PCDHA1: variants seen among roughly 807,000 people sequenced by gnomAD.
PCDHA1 encodes protocadherin alpha 1.
Under a neutral mutation model 61.3 loss-of-function variants are expected in PCDHA1, and 42 were observed. That is an observed-to-expected ratio of 0.69 (90% CI 0.54 to 0.89). PCDHA1 has a LOEUF of 0.89. Among genes scored for constraint, PCDHA1 ranks in the 40% least tolerant of loss-of-function variants. PCDHA1 has a pLI of 0.00. For missense variants in PCDHA1, 1,256 were observed against 1,235.3 expected (o/e 1.02, Z -0.25); for synonymous variants, 610 against 553.8 (o/e 1.10, Z -1.43).
At chr5:140,836,595 ACT>A (rs2150265014) in intron 1 of PCDHA1, 1 of 1,613,556 alleles carries the variant, frequency 6.2e-7, no homozygotes, top group Non-Finnish European at 8.5e-7. Context: ...GGTAAAGCCC[ACT>A]CTGGTGTGCT....
chr5:140,967,876 G>T, intron 1 of PCDHA1: 1 of 1,614,144 alleles, frequency 6.2e-7, no homozygotes, highest in Non-Finnish European at 8.5e-7. Context: ...TCACGGACCT[G>T]TATAGCCCAG....
At chr5:140,952,345 A>G (rs1199209045) in intron 1 of PCDHA1, among the ~76,000 whole-genome samples, 2 of 151,900 alleles carry the variant, frequency 1.3e-5, no homozygotes, top group Non-Finnish European at 2.9e-5. Context: ...TCTCAAAAAA[A>G]AAAAAAAAAG....
chr5:140,876,862 G>A (rs1554169053), intron 1 of PCDHA1: 2 of 1,614,168 alleles, frequency 1.2e-6, no homozygotes, highest in Non-Finnish European at 1.7e-6. Context: ...CACAGTGTTC[G>A]TGAAGGAGAA....
In PCDHA1 at chr5:140,836,084, G is replaced by A. The variant is rs141420166; in HGVS notation, c.2394+47400G>A. On this transcript the variant is annotated intron_variant, in intron 1 of 3. Transcript: ENST00000504120. Reference sequence around the variant, plus strand: ...ACGACAACGCGCCGGCACTGCTGGCGCCTCGGGTGGGTGGCACTGGTGGCG... The same window carrying A: ...ACGACAACGCGCCGGCACTGCTGGCACCTCGGGTGGGTGGCACTGGTGGCG... The A allele has an allele frequency of 2.8e-5, 45 of 1,613,684 alleles. 1 individual carries two copies. The highest frequency in any genetic ancestry group is 3.6e-5 in the Non-Finnish European group (43 of 1,179,784).
intron 1 of PCDHA1, chr5:140,795,817 G>A (rs1178449834): frequency 2.5e-6 from 4 of 1,613,608 alleles, no homozygotes; most frequent in East Asian, 2.2e-5. Context: ...CGGTAGTGAT[G>A]TGTCCTCCAC....
intron 3 of PCDHA1, among the ~76,000 whole-genome samples, chr5:141,002,788 A>G (rs1013908430): frequency 6.6e-6 from 1 of 152,192 alleles, no homozygotes; most frequent in Admixed American, 6.5e-5. Context: ...TCTCCATTTT[A>G]TGGATGAGGA....
chr5:140,877,609 C>T (rs1554169925), intron 1 of PCDHA1: 4 of 1,613,876 alleles, frequency 2.5e-6, no homozygotes, highest in Middle Eastern at 1.7e-4. Flanking sequence ...CCTGCTGGTG[C>T]TCACGCTGCT....
intron 1 of PCDHA1, among the ~76,000 whole-genome samples, chr5:140,943,500 G>T (rs907493905): frequency 6.6e-6 from 1 of 152,048 alleles, no homozygotes; most frequent in Non-Finnish European, 1.5e-5. Flanking sequence ...TGCTATCAAG[G>T]TTCATGGAAA....
chr5:140,875,858 A>T, intron 1 of PCDHA1: 1 of 1,613,908 alleles, frequency 6.2e-7, no homozygotes, highest in Non-Finnish European at 8.5e-7. Flanking sequence ...ATTAACGACA[A>T]CCCGCCGGTG....
chr5:140,902,750 A>C (rs1367370245), intron 1 of PCDHA1, among the ~76,000 whole-genome samples: 1 of 151,888 alleles, frequency 6.6e-6, no homozygotes. Flanking sequence ...AATCCATTAT[A>C]TCATTCTTAT....
chr5:140,896,410 T>C (rs1554186951), intron 1 of PCDHA1, among the ~76,000 whole-genome samples: 1 of 152,154 alleles, frequency 6.6e-6, no homozygotes, highest in Non-Finnish European at 1.5e-5. Context: ...TTTTGACTTT[T>C]TAGTAATAGC....
chr5:140,930,781 CAATAT>C (rs1259470112), intron 1 of PCDHA1, among the ~76,000 whole-genome samples: 2 of 152,048 alleles, frequency 1.3e-5, no homozygotes, highest in African/African-American at 4.8e-5. Context: ...AATATTTTCA[CAATAT>C]AATAGAATCC....
intron 1 of PCDHA1, chr5:140,797,079 C>A (rs781862610): frequency 7.4e-6 from 12 of 1,613,792 alleles, no homozygotes; most frequent in Non-Finnish European, 1.0e-5. Flanking sequence ...TCGCCATCTG[C>A]GCGGTATCCA....
intron 1 of PCDHA1, among the ~76,000 whole-genome samples, chr5:140,901,849 A>AT (rs1167488433): frequency 2.0e-5 from 3 of 151,932 alleles, no homozygotes; most frequent in Non-Finnish European, 4.4e-5. Context: ...ATATCTTTCC[A>AT]TTTTTTTGTG....
At chr5:140,942,757 T>C (rs2093364947) in intron 1 of PCDHA1, among the ~76,000 whole-genome samples, 1 of 152,174 alleles carries the variant, frequency 6.6e-6, no homozygotes, top group South Asian at 2.1e-4. Context: ...ATAAATGAGA[T>C]GGCATAATGT....
In PCDHA1 at chr5:140,848,635, G is replaced by A; in HGVS notation, c.2394+59951G>A. 2.5e-6 allele frequency: 4 copies of A among 1,593,292 alleles called. 1 individual carries two copies. Among genetic ancestry groups the A allele is most frequent in the Admixed American group, 1.7e-5 (1 of 59,228 alleles). On this transcript the variant is annotated intron_variant, in intron 1 of 3. Transcript: ENST00000504120. ...GCCGAACACGGCACCTTCGTGGGCC[G>A]CATCGCGCAGGACCTGGGGCTGGAG...
chr5:140,888,271 T>A (rs1466153758), intron 1 of PCDHA1, among the ~76,000 whole-genome samples: 2 of 152,068 alleles, frequency 1.3e-5, no homozygotes, highest in African/African-American at 4.8e-5. Context: ...TAAGAAACAG[T>A]TTTGTCCCCT....
In PCDHA1 at chr5:140,885,617, T is replaced by C. The variant is rs182455292; in HGVS notation, c.2395-93332T>C. Among the ~76,000 whole-genome samples, 20 of 152,288 alleles carry C rather than the reference T, an allele frequency of 1.3e-4. No individual in the cohort carries two copies. The East Asian group carries it at 3.7e-3, about 28-fold the overall frequency. The stretch of plus-strand genomic sequence containing the variant: ...GATATTAATAATTTTAATTATAAAA[T>C]ATGTCACTGGATTGCCTTCCAAGTA... On this transcript the variant is annotated intron_variant, in intron 1 of 3. Coordinates refer to ENST00000504120, the MANE Select transcript of PCDHA1 (RefSeq NM_018900.4).
intron 1 of PCDHA1, chr5:140,848,752 T>C (rs2040584005): frequency 1.3e-6 from 2 of 1,593,188 alleles, no homozygotes; most frequent in Non-Finnish European, 1.7e-6. Context: ...ATTTTGTTTG[T>C]GAATTCTCGG....
Sources: gnomAD v4.1 joint callset for allele counts (sites outside exome capture counted in the v4.1 genomes callset) on GRCh38, gnomAD v4.1.1 for gene constraint, MANE v1.5 for transcripts, NCBI Gene and HGNC (gene_info 2026-07-23, HGNC 2026-07-21) for gene names.